ZFHX3: variants seen among roughly 807,000 people sequenced by gnomAD.
ZFHX3 encodes the protein zinc finger homeobox protein 3.
Under a neutral mutation model 279.1 loss-of-function variants are expected in ZFHX3, and 42 were observed. The ratio of observed to expected loss-of-function variants is 0.15; its 90% CI spans 0.12 to 0.19. ZFHX3 has a LOEUF of 0.19. ZFHX3 is among the 10% of genes least tolerant of loss of function. The pLI, the probability that ZFHX3 is intolerant of heterozygous loss-of-function variation, is 1.00. For missense variants in ZFHX3, 4,981 were observed against 4,754.0 expected, an observed-to-expected ratio of 1.05 and a Z score of -1.40; for synonymous variants, 2,293 against 1,957.8, an observed-to-expected ratio of 1.17 and a Z score of -4.52.
At chr16:72,988,683 G>A (rs114401242) in intron 1 of ZFHX3, among the ~76,000 whole-genome samples, 4 of 152,208 alleles carry the variant, frequency 2.6e-5, no homozygotes, top group African/African-American at 7.2e-5. Flanking sequence ...TGTACATTAA[G>A]AGCCATGATT....
intron 1 of ZFHX3, among the ~76,000 whole-genome samples, chr16:73,867,797 G>A (rs1006777633): frequency 3.7e-4 from 57 of 152,188 alleles, no homozygotes; most frequent in Non-Finnish European, 2.9e-5. Flanking sequence ...GGGTTCAGGT[G>A]CCTCACTGTC....
chr16:73,207,688 T>C (rs2144906679), intron 5 of ZFHX3, among the ~76,000 whole-genome samples: 1 of 152,078 alleles, frequency 6.6e-6, no homozygotes, highest in South Asian at 2.1e-4. Context: ...AAAATCAGAA[T>C]CATGCAAATT....
chr16:72,827,095 G>A (rs1027443727), intron 5 of ZFHX3, among the ~76,000 whole-genome samples: 1 of 152,118 alleles, frequency 6.6e-6, no homozygotes, highest in Non-Finnish European at 1.5e-5. Context: ...TATTATTTCC[G>A]TAGTGCCCTT....
At chr16:73,449,603 CTTAA>C (rs761601562) in intron 3 of ZFHX3, among the ~76,000 whole-genome samples, 1 of 152,094 alleles carries the variant, frequency 6.6e-6, no homozygotes, top group Non-Finnish European at 1.5e-5. Flanking sequence ...AACTTGAGCA[CTTAA>C]TTATTTAATA....
intron 5 of ZFHX3, among the ~76,000 whole-genome samples, chr16:73,234,851 A>G (rs1758461765): frequency 6.6e-6 from 1 of 152,188 alleles, no homozygotes; most frequent in African/African-American, 2.4e-5. Context: ...TTGAAGTGAT[A>G]GAAATTTTTC....
chr16:73,133,758 A>G (rs1488027605), intron 6 of ZFHX3, among the ~76,000 whole-genome samples: 1 of 152,114 alleles, frequency 6.6e-6, no homozygotes, highest in African/African-American at 2.4e-5. Context: ...CTGTCCACCA[A>G]TTTCTGTTTT....
At chr16:73,614,007 T>A (rs1306872400) in intron 2 of ZFHX3, among the ~76,000 whole-genome samples, 1 of 152,200 alleles carries the variant, frequency 6.6e-6, no homozygotes, top group Admixed American at 6.5e-5. Context: ...ATACAATGAA[T>A]CCGAGCTTTC....
At chr16:73,396,823 C>G (rs2017139799) in intron 3 of ZFHX3, among the ~76,000 whole-genome samples, 1 of 152,202 alleles carries the variant, frequency 6.6e-6, no homozygotes, top group African/African-American at 2.4e-5. Context: ...AACCATATCA[C>G]TAAGCACCAG....
At chr16:73,860,123 G>A (rs17331662) in intron 1 of ZFHX3, among the ~76,000 whole-genome samples, 37,956 of 152,050 alleles carry the variant, frequency 0.25, 5,961 homozygotes, top group Non-Finnish European at 0.36. Context: ...ATTCTGAAGC[G>A]AGACCATCCT....
intron 4 of ZFHX3, among the ~76,000 whole-genome samples, chr16:72,857,956 G>A (rs911323996): frequency 5.3e-5 from 8 of 152,232 alleles, no homozygotes; most frequent in South Asian, 2.1e-4. Context: ...GTGAACTACC[G>A]GAGTAAGAGA....
chr16:73,623,283 G>A (rs1484355003), intron 2 of ZFHX3, among the ~76,000 whole-genome samples: 3 of 152,044 alleles, frequency 2.0e-5, no homozygotes, highest in Non-Finnish European at 4.4e-5. Flanking sequence ...TGATCCGCCC[G>A]CCTCGGCCTC....
chr16:73,507,098 C>A (rs1254934548), intron 2 of ZFHX3, among the ~76,000 whole-genome samples: 1 of 152,174 alleles, frequency 6.6e-6, no homozygotes, highest in African/African-American at 2.4e-5. Flanking sequence ...AATACCCAGT[C>A]CAGTTTTAGC....
chr16:73,199,245 G>A (rs561475849), intron 5 of ZFHX3, among the ~76,000 whole-genome samples: 1 of 152,322 alleles, frequency 6.6e-6, no homozygotes, highest in African/African-American at 2.4e-5. Flanking sequence ...GGGGCGTAAC[G>A]GGGTACACTT....
intron 8 of ZFHX3, among the ~76,000 whole-genome samples, chr16:73,083,823 C>T (rs956565484): frequency 6.6e-6 from 1 of 152,182 alleles, no homozygotes; most frequent in Non-Finnish European, 1.5e-5. Flanking sequence ...GCCACCATGC[C>T]CGGCCTTTCC....
At chr16:73,411,573 T>C (rs2017467812) in intron 3 of ZFHX3, among the ~76,000 whole-genome samples, 1 of 152,236 alleles carries the variant, frequency 6.6e-6, no homozygotes, top group African/African-American at 2.4e-5. Context: ...GTAGGACCCA[T>C]AAGTGTATCT....
chr16:72,919,486 C>T (rs549481242), intron 3 of ZFHX3, among the ~76,000 whole-genome samples: 1 of 152,204 alleles, frequency 6.6e-6, no homozygotes, highest in Admixed American at 6.5e-5. Context: ...AGGGTTCTCT[C>T]ACTGATTCTG....
intron 3 of ZFHX3, among the ~76,000 whole-genome samples, chr16:73,338,808 T>G (rs963304): frequency 6.6e-6 from 1 of 152,026 alleles, no homozygotes; most frequent in Non-Finnish European, 1.5e-5. Context: ...CTGGTGGAGA[T>G]GAGTGACTCA....
At chr16:72,842,819 T>C (rs2037377493) in intron 4 of ZFHX3, among the ~76,000 whole-genome samples, 1 of 152,144 alleles carries the variant, frequency 6.6e-6, no homozygotes. Context: ...TTAAAAAGAA[T>C]AGGAAATGTT....
intron 3 of ZFHX3, among the ~76,000 whole-genome samples, chr16:72,921,396 C>T (rs1207870403): frequency 2.0e-5 from 3 of 152,198 alleles, no homozygotes; most frequent in Admixed American, 2.0e-4. Flanking sequence ...GCATCAGACA[C>T]GACTATCGCT....
Sources: allele counts gnomAD v4.1 joint callset (sites outside exome capture counted in the v4.1 genomes callset), GRCh38; gene constraint gnomAD v4.1.1; transcripts MANE v1.5; gene names NCBI Gene and HGNC (gene_info 2026-07-23, HGNC 2026-07-21).